Variants in KIAA1217 observed in about 807,000 individuals in gnomAD.
The protein encoded by KIAA1217 is sickle tail protein homolog.
In KIAA1217, 88 loss-of-function variants were observed where a neutral mutation model predicts 163.9. That is an observed-to-expected ratio of 0.54 (90% confidence interval 0.45 to 0.64). The LOEUF (loss-of-function observed/expected upper bound fraction) is 0.64. Among genes scored for constraint, KIAA1217 ranks in the 30% least tolerant of loss-of-function variants. The probability of loss-of-function intolerance (pLI) is 0.00; values close to 1 mark genes in which losing one functional copy is unlikely to be tolerated. For synonymous variants in KIAA1217, 903 were observed against 923.1 expected, an observed-to-expected ratio of 0.98 and a Z score of 0.39; for missense variants, 2,372 against 2,475.0, an observed-to-expected ratio of 0.96 and a Z score of 0.88.
intron 2 of KIAA1217, among the ~76,000 whole-genome samples, chr10:24,310,995 C>T (rs1190840858): frequency 1.3e-5 from 2 of 152,132 alleles, no homozygotes; most frequent in Admixed American, 1.3e-4. Flanking sequence ...GAGACCCTGT[C>T]TCAAACAAAA....
intron 2 of KIAA1217, among the ~76,000 whole-genome samples, chr10:24,295,294 A>G (rs1012649527): frequency 3.3e-5 from 5 of 152,324 alleles, no homozygotes; most frequent in Middle Eastern, 3.4e-3. Context: ...ATCTTTCTCT[A>G]ACCCTTAAAG....
chr10:24,498,936 C>T (rs762052630), intron 8 of KIAA1217, among the ~76,000 whole-genome samples: 7 of 152,090 alleles, frequency 4.6e-5, no homozygotes, highest in Non-Finnish European at 1.0e-4. Context: ...GAGGGAGGTA[C>T]CTTGGTGGCC....
rs149960181 is a variant in KIAA1217 at position 24,190,068 on chromosome 10, T to C, written c.-170-29558T>C. ...AGTATGATTGGACATACAAAGGGTA[T>C]GATCTAATGATAATAAACTGAGGGG... is the stretch of plus-strand genomic sequence containing the variant. On this transcript the variant is annotated intron_variant, in intron 2 of 18. Coordinates refer to the KIAA1217 transcript ENST00000376462. Among the ~76,000 whole-genome samples, 273 of 151,064 alleles carry C rather than the reference T, an allele frequency of 1.8e-3. 2 individuals are homozygous for C. Among genetic ancestry groups the C allele is most frequent in the African/African-American group, 6.1e-3 (252 of 41,116 alleles).
intron 2 of KIAA1217, among the ~76,000 whole-genome samples, chr10:24,313,843 G>GTTTT (rs35876174): frequency 1.3e-3 from 143 of 113,354 alleles, no homozygotes; most frequent in East Asian, 2.5e-3. Flanking sequence ...CCATCTGGTT[G>GTTTT]TTTTTTTTTT....
At chr10:24,398,703 A>G (rs760763473) in intron 3 of KIAA1217, among the ~76,000 whole-genome samples, 2 of 152,098 alleles carry the variant, frequency 1.3e-5, no homozygotes. Flanking sequence ...GCCCGCATGC[A>G]CAGTGACCTG....
At chr10:24,434,302 G>C (rs1485098021) in intron 4 of KIAA1217, among the ~76,000 whole-genome samples, 1 of 152,022 alleles carries the variant, frequency 6.6e-6, no homozygotes, top group Admixed American at 6.6e-5. Flanking sequence ...GCCTCCCAAA[G>C]TGCTAGGATT....
At position 24,442,974 on chromosome 10, in the gene KIAA1217, A is replaced by G. The variant is rs1393135396; in HGVS notation, c.846+4495A>G. Among the ~76,000 whole-genome samples, 8 of 146,468 alleles carry G rather than the reference A, an allele frequency of 5.5e-5. No individual in the cohort carries two copies. In the South Asian group the frequency reaches 1.5e-3, roughly 27 times the overall value. The stretch of plus-strand genomic sequence containing the variant: ...CATCCAGGCTGGAGTGCAGTGTTGC[A>G]ATCTCGGCTCATTGCAACCTCTGCC... On this transcript the variant is annotated intron_variant, in intron 5 of 20. Coordinates refer to ENST00000376454, the MANE Select transcript of KIAA1217 (RefSeq NM_019590.5).
chr10:24,334,783 A>G (rs969469933), intron 2 of KIAA1217, among the ~76,000 whole-genome samples: 2 of 152,216 alleles, frequency 1.3e-5, no homozygotes, highest in Non-Finnish European at 2.9e-5. Flanking sequence ...GAAGTACAGC[A>G]CAGAAGGTTG....
At chr10:23,946,490 A>G (rs1844054242) in intron 1 of KIAA1217, among the ~76,000 whole-genome samples, 1 of 152,152 alleles carries the variant, frequency 6.6e-6, no homozygotes, top group Non-Finnish European at 1.5e-5. Flanking sequence ...CAGCCATTCT[A>G]GAGTTTAAAT....
At chr10:24,438,762 C>G (rs571651457) in intron 5 of KIAA1217, among the ~76,000 whole-genome samples, 1 of 152,164 alleles carries the variant, frequency 6.6e-6, no homozygotes, top group African/African-American at 2.4e-5. Context: ...ATAAAAGGGT[C>G]CCTGGTCCAC....
intron 2 of KIAA1217, among the ~76,000 whole-genome samples, chr10:24,009,063 C>T (rs1169731004): frequency 6.6e-6 from 1 of 152,194 alleles, no homozygotes; most frequent in Non-Finnish European, 1.5e-5. Flanking sequence ...AAGCACTAAT[C>T]ATTCTCTCTT....
At chr10:24,358,177 G>A (rs1049646677) in intron 2 of KIAA1217, among the ~76,000 whole-genome samples, 3 of 152,038 alleles carry the variant, frequency 2.0e-5, no homozygotes, top group African/African-American at 7.3e-5. Context: ...TGGGTGCAAG[G>A]GGAAGGAGAC....
intron 3 of KIAA1217, among the ~76,000 whole-genome samples, chr10:24,388,540 A>G (rs1398438623): frequency 6.6e-6 from 1 of 152,186 alleles, no homozygotes; most frequent in Non-Finnish European, 1.5e-5. Flanking sequence ...AATGGCAACA[A>G]AAGCCAAAAT....
chr10:24,020,151 A>G lies in KIAA1217; in HGVS notation c.-171+12777A>G, dbSNP rs1847671050. ...GGCAAACAAAAATTATGAAGCATTT[A>G]TTTATGAAAAACTTCTAGAGCGTTG... is the stretch of plus-strand genomic sequence containing the variant. On this transcript the variant is annotated intron_variant, in intron 2 of 18. Transcript: ENST00000376462. Among the ~76,000 whole-genome samples, 3 of 152,254 alleles carry G rather than the reference A, an allele frequency of 2.0e-5. No homozygotes were observed. The South Asian group carries it at 6.2e-4, about 32-fold the overall frequency.
At chr10:24,395,117 A>G (rs1399751684) in intron 3 of KIAA1217, among the ~76,000 whole-genome samples, 1 of 152,154 alleles carries the variant, frequency 6.6e-6, no homozygotes, top group Non-Finnish European at 1.5e-5. Context: ...TCACCACATA[A>G]GGGCATGTGA....
chr10:23,843,309 C>T (rs1014237274), intron 1 of KIAA1217, among the ~76,000 whole-genome samples: 1 of 152,098 alleles, frequency 6.6e-6, no homozygotes, highest in African/African-American at 2.4e-5. Context: ...AGTCCTACCC[C>T]CAAAGTGGGT....
chr10:23,726,461 C>T (rs1838139736), intron 1 of KIAA1217, among the ~76,000 whole-genome samples: 1 of 151,942 alleles, frequency 6.6e-6, no homozygotes, highest in African/African-American at 2.4e-5. Flanking sequence ...TAGAAGAAAA[C>T]TTAGGCAATA....
intron 1 of KIAA1217, among the ~76,000 whole-genome samples, chr10:23,952,105 TAAC>T (rs1441218836): frequency 6.6e-6 from 1 of 152,188 alleles, no homozygotes; most frequent in African/African-American, 2.4e-5. Flanking sequence ...AATCATTACT[TAAC>T]AATTTGCTCT....
rs1199912565 is a variant in KIAA1217, at chr10:24,014,781, A to G, written c.-171+7407A>G. On this transcript the variant is annotated intron_variant, in intron 2 of 18. Coordinates refer to the KIAA1217 transcript ENST00000376462. ...TATCTTCACACATGAAAAATGTACT[A>G]TATTTTTCTAGGAGTTTGAAAATCA... Among the ~76,000 whole-genome samples the G allele has an allele frequency of 5.3e-5, 8 of 152,252 alleles. No homozygotes were observed. In the East Asian group the frequency reaches 1.2e-3, roughly 22 times the overall value.
Sources: gnomAD v4.1 joint callset for allele counts (sites outside exome capture counted in the v4.1 genomes callset) on GRCh38, gnomAD v4.1.1 for gene constraint, MANE v1.5 for transcripts, NCBI Gene and HGNC (gene_info 2026-07-23, HGNC 2026-07-21) for gene names.